Variants in FAM107A observed in about 807,000 individuals in gnomAD.
FAM107A encodes the protein family with sequence similarity 107 member A.
In FAM107A, 19 loss-of-function variants were observed where a neutral mutation model predicts 13.7. The observed-to-expected ratio is 1.38, with a 90% CI of 0.97 to 2.03. The LOEUF is 2.03. FAM107A is among the 30% of genes most tolerant of loss of function. The pLI, the probability that FAM107A is intolerant of heterozygous loss-of-function variation, is 0.00. For synonymous variants in FAM107A, 82 were observed against 74.5 expected, an observed-to-expected ratio of 1.10 and a Z score of -0.52; for missense variants, 203 against 184.4, an observed-to-expected ratio of 1.10 and a Z score of -0.58.
chr3:58,608,052 A>G lies in FAM107A; in HGVS notation c.-69-18783T>C, dbSNP rs929168253. Reference sequence around the variant, plus strand: ...CGCAGCAATAGAAAACCAAACCAACAGACTTTGAAGAATGAAAGACTTGGG... The same window carrying G: ...CGCAGCAATAGAAAACCAAACCAACGGACTTTGAAGAATGAAAGACTTGGG... On this transcript the variant is annotated intron_variant, in intron 1 of 3. Coordinates refer to the FAM107A transcript ENST00000465970. The G allele has an allele frequency of 2.6e-5, 4 of 152,340 alleles. No homozygotes were observed. The East Asian group carries it at 7.7e-4, about 29-fold the overall frequency. The allele number at this position is 152,340 out of a possible 1,614,324, so 9.4% of individuals were successfully genotyped here. A position where few individuals can be genotyped will look rare whatever the true frequency, so the allele number is the denominator to read the frequency against.
intron 1 of FAM107A, among the ~76,000 whole-genome samples, chr3:58,615,780 C>T (rs1006483594): frequency 1.1e-4 from 16 of 151,660 alleles, no homozygotes; most frequent in African/African-American, 3.6e-4. Context: ...CCTGTAATCC[C>T]AGCTACTCAG....
chr3:58,583,804 C>T (rs923473039), intron 1 of FAM107A, among the ~76,000 whole-genome samples: 3 of 151,990 alleles, frequency 2.0e-5, no homozygotes, highest in Non-Finnish European at 4.4e-5. Flanking sequence ...CCTCAGCCTC[C>T]TGAGTAGCTA....
intron 1 of FAM107A, among the ~76,000 whole-genome samples, chr3:58,625,066 C>G (rs913407575): frequency 6.6e-6 from 1 of 151,986 alleles, no homozygotes; most frequent in African/African-American, 2.4e-5. Flanking sequence ...TGTTTGGAGT[C>G]AAGCAGAATG....
At chr3:58,594,056 C>T (rs2065678239) in intron 1 of FAM107A, among the ~76,000 whole-genome samples, 1 of 152,014 alleles carries the variant, frequency 6.6e-6, no homozygotes, top group African/African-American at 2.4e-5. Flanking sequence ...CAAAGACCCA[C>T]CAGAATTCCC....
At chr3:58,594,842 G>C (rs1347014983) in intron 1 of FAM107A, among the ~76,000 whole-genome samples, 1 of 152,230 alleles carries the variant, frequency 6.6e-6, no homozygotes, top group East Asian at 1.9e-4. Flanking sequence ...AAAACTCAAG[G>C]ATAGAGCCCC....
Position 58,568,518 on chromosome 3 carries a change from T to G in FAM107A, c.171-1154A>C, listed in dbSNP as rs538678351. ...GTGAGTTTTAAAAATAAAATTTATT[T>G]ATATTACAAATACTTTCTCTGATTT... is the stretch of plus-strand genomic sequence containing the variant. On this transcript the variant is annotated intron_variant, in intron 2 of 3. Coordinates refer to ENST00000360997, the MANE Select transcript of FAM107A (RefSeq NM_001076778.3). Among the ~76,000 whole-genome samples, 27 of 152,332 alleles carry G rather than the reference T, an allele frequency of 1.8e-4. No homozygotes were observed. In the South Asian group the frequency reaches 5.4e-3, roughly 30 times the overall value.
chr3:58,577,376 G>C lies in FAM107A; in HGVS notation c.-73C>G. On this transcript the variant is annotated 5_prime_UTR_variant, in exon 1 of 4. Transcript: ENST00000360997. The surrounding 1 kb of genome is among the most constrained non-coding windows in gnomAD (Gnocchi z 4.9). ...GCTGGGTTCCTCACTCCACCGGGAA[G>C]TCCCAGACTAGCAAGGAGGGCTGCC... is the stretch of plus-strand genomic sequence containing the variant. 2 of 985,448 alleles carry C rather than the reference G, an allele frequency of 2.0e-6. No individual in the cohort carries two copies. Among genetic ancestry groups the C allele is most frequent in the Non-Finnish European group, 2.4e-6 (2 of 829,952 alleles). 61.0% of individuals were successfully genotyped at this position (985,448 alleles called of 1,614,324 possible). A position where few individuals can be genotyped will look rare whatever the true frequency, so the allele number is the denominator to read the frequency against.
At chr3:58,606,683 A>G (rs1035910450) in intron 1 of FAM107A, among the ~76,000 whole-genome samples, 2 of 152,236 alleles carry the variant, frequency 1.3e-5, no homozygotes, top group African/African-American at 4.8e-5. Context: ...AACACTTATT[A>G]AAGTCTTGTG....
chr3:58,626,148 G>A (rs1559490057), intron 1 of FAM107A, among the ~76,000 whole-genome samples: 1 of 152,128 alleles, frequency 6.6e-6, no homozygotes, highest in Non-Finnish European at 1.5e-5. Flanking sequence ...CGTTGTGGTT[G>A]GAGAGCAGTG....
intron 1 of FAM107A, among the ~76,000 whole-genome samples, chr3:58,619,193 G>A (rs2065930783): frequency 1.3e-5 from 2 of 152,012 alleles, no homozygotes; most frequent in Non-Finnish European, 2.9e-5. Context: ...GTAGTGATGG[G>A]TCTCACTATT....
At chr3:58,588,636 G>A (rs572398025), upstream of FAM107A, among the ~76,000 whole-genome samples, 8 of 152,296 alleles carry the variant, frequency 5.3e-5, no homozygotes, top group East Asian at 1.5e-3. Flanking sequence ...TTCTTCAGAG[G>A]ATGAAATTAT....
intron 1 of FAM107A, among the ~76,000 whole-genome samples, chr3:58,606,377 T>C (rs570738068): frequency 1.5e-3 from 222 of 152,358 alleles, no homozygotes; most frequent in Non-Finnish European, 2.6e-3. Flanking sequence ...ATTACAGGTG[T>C]GAGCCACCAT....
In FAM107A at chr3:58,577,106, C is replaced by T. The variant is rs759311287; in HGVS notation, c.-6+203G>A. Among the ~76,000 whole-genome samples the T allele has an allele frequency of 1.3e-5, 2 of 152,196 alleles. No homozygotes were observed. Among genetic ancestry groups the T allele is most frequent in the African/African-American group, 2.4e-5 (1 of 41,444 alleles). On this transcript the variant is annotated intron_variant, in intron 1 of 3. Transcript: ENST00000360997. The surrounding 1 kb of genome is among the most constrained non-coding windows in gnomAD (Gnocchi z 4.9). ...GGGGGCTCGCTTCTTTGTCTCCTAC[C>T]CTTTTCCGAAACCCAGGGTGCCTGG... is the stretch of plus-strand genomic sequence containing the variant.
At chr3:58,615,919 A>T (rs2065897235) in intron 1 of FAM107A, among the ~76,000 whole-genome samples, 1 of 151,182 alleles carries the variant, frequency 6.6e-6, no homozygotes, top group African/African-American at 2.4e-5. Flanking sequence ...AAAAAAAAAA[A>T]AAAGGACTTG....
chr3:58,612,237 TC>T (rs112502864), intron 1 of FAM107A, among the ~76,000 whole-genome samples: 11 of 151,774 alleles, frequency 7.2e-5, no homozygotes, highest in African/African-American at 2.4e-5. Context: ...CAGGGATTGG[TC>T]AAAAAAACTG....
rs1266446404 is a variant in FAM107A at position 58,613,545 on chromosome 3, C to T, written c.-70+13871G>A. Among the ~76,000 whole-genome samples the T allele has an allele frequency of 6.6e-6, 1 of 152,200 alleles. No individual in the cohort carries two copies. The highest frequency in any genetic ancestry group is 1.5e-5 in the Non-Finnish European group (1 of 68,036). On this transcript the variant is annotated intron_variant, in intron 1 of 3. Coordinates refer to the FAM107A transcript ENST00000465970. This position sits in a 1 kb window ranked among gnomAD's most constrained non-coding sequence, Gnocchi z 4.6. ...CAACTTGCTCTCAGTGCCCTGAGTG[C>T]CAGCAAGGCCTCTCTCCTCTGGCCT...
At chr3:58,593,211 T>C (rs1197893760) in intron 1 of FAM107A, among the ~76,000 whole-genome samples, 2 of 152,136 alleles carry the variant, frequency 1.3e-5, no homozygotes, top group African/African-American at 4.8e-5. Context: ...TCCCTTAAAC[T>C]CACTCGCATT....
chr3:58,577,727 C>T (rs550801451), upstream of FAM107A: 3 of 985,326 alleles, frequency 3.0e-6, no homozygotes, highest in Admixed American at 1.8e-4. The surrounding 1 kb of genome is among the most constrained non-coding windows in gnomAD (Gnocchi z 4.9). Context: ...GATTCCAGCA[C>T]TTCCCCATGG....
At position 58,565,910 on chromosome 3, in the gene FAM107A, T is replaced by C. The variant is rs1165305979; in HGVS notation, c.*678A>G. 1 of 152,194 alleles carries C rather than the reference T, an allele frequency of 6.6e-6. No individual in the cohort carries two copies. The highest frequency in any genetic ancestry group is 2.4e-5 in the African/African-American group (1 of 41,424). The allele number at this position is 152,194 out of a possible 1,614,324, so 9.4% of individuals were successfully genotyped here. On this transcript the variant is annotated 3_prime_UTR_variant, in exon 4 of 4. Transcript: ENST00000360997. ...AGTTTGTGAGGCACCGCTGCAGACT[T>C]CTGAGTGCAGGAATGCGGCAGCCCT... is the stretch of plus-strand genomic sequence containing the variant.
Sources: gnomAD v4.1 joint callset for allele counts (sites outside exome capture counted in the v4.1 genomes callset) on GRCh38, gnomAD v4.1.1 for gene constraint, Gnocchi (gnomAD v3.1) non-coding constraint, MANE v1.5 for transcripts, NCBI Gene and HGNC (gene_info 2026-07-23, HGNC 2026-07-21) for gene names.